Variants in TAS2R1 observed in about 807,000 individuals in gnomAD.
The protein encoded by TAS2R1 is taste 2 receptor member 1.
For synonymous variants in TAS2R1, 141 were observed against 134.2 expected (o/e 1.05, Z -0.35); for missense variants, 370 against 353.4 (o/e 1.05, Z -0.38).
the TAS2R1 span, among the ~76,000 whole-genome samples, chr5:9,891,651 C>A: frequency 4.6e-5 from 7 of 152,132 alleles, no homozygotes; most frequent in African/African-American, 1.7e-4. Context: ...GTAAATTGAG[C>A]AAAAGCCCCC....
chr5:9,868,076 TG>T, the TAS2R1 span, among the ~76,000 whole-genome samples: 1 of 152,230 alleles, frequency 6.6e-6, no homozygotes, highest in Non-Finnish European at 1.5e-5. Flanking sequence ...CCCTACTGGC[TG>T]CTTTCACAGG....
the TAS2R1 span, among the ~76,000 whole-genome samples, chr5:9,719,488 G>A: frequency 6.6e-6 from 1 of 152,078 alleles, no homozygotes; most frequent in Non-Finnish European, 1.5e-5. Context: ...ACCAAGCCTG[G>A]GTCTCCACTC....
In TAS2R1 at chr5:9,628,548, G is replaced by C. The variant is rs143274151; in HGVS notation, c.*585C>G. Among the ~76,000 whole-genome samples, 1 of 152,204 alleles carries C rather than the reference G, an allele frequency of 6.6e-6. No homozygotes were observed. Among genetic ancestry groups the C allele is most frequent in the South Asian group, 2.1e-4 (1 of 4,814 alleles). On this transcript the variant is annotated 3_prime_UTR_variant, in exon 1 of 1. Transcript: ENST00000382492. Reference sequence around the variant, plus strand: ...GAATATGCTTATAAGGATGGAGAAGGCCTGCTTGTCCTTGCTTCCTTTGTG... The same window carrying C: ...GAATATGCTTATAAGGATGGAGAAGCCCTGCTTGTCCTTGCTTCCTTTGTG...
At chr5:9,830,445 GA>G in the TAS2R1 span, among the ~76,000 whole-genome samples, 1 of 152,086 alleles carries the variant, frequency 6.6e-6, no homozygotes, top group East Asian at 1.9e-4. Flanking sequence ...ATAGATGATA[GA>G]TGACAGACAC....
the TAS2R1 span, among the ~76,000 whole-genome samples, chr5:9,885,830 CAT>C: frequency 1.4e-4 from 22 of 151,914 alleles, no homozygotes; most frequent in African/African-American, 5.1e-4. Context: ...AAATATAAAA[CAT>C]ATATAAAAAA....
chr5:9,806,164 A>T, the TAS2R1 span, among the ~76,000 whole-genome samples: 1 of 152,094 alleles, frequency 6.6e-6, no homozygotes, highest in Non-Finnish European at 1.5e-5. Flanking sequence ...CAAAAAAAAT[A>T]AAATAAAATA....
At chr5:9,847,238 A>G in the TAS2R1 span, among the ~76,000 whole-genome samples, 1 of 152,228 alleles carries the variant, frequency 6.6e-6, no homozygotes, top group South Asian at 2.1e-4. Flanking sequence ...TTTTGACCAT[A>G]AGAAAATGTT....
chr5:9,712,528 G>A (rs890651700), upstream of TAS2R1: 2 of 152,182 alleles, frequency 1.3e-5, no homozygotes, highest in Non-Finnish European at 2.9e-5. Flanking sequence ...TTCTATAGAC[G>A]AAGGAATTCA....
chr5:9,823,360 G>A, the TAS2R1 span, among the ~76,000 whole-genome samples: 1 of 151,764 alleles, frequency 6.6e-6, no homozygotes, highest in Non-Finnish European at 1.5e-5. Context: ...CAGATATGCT[G>A]AATATCTACT....
At chr5:9,750,896 G>A in the TAS2R1 span, among the ~76,000 whole-genome samples, 1 of 151,948 alleles carries the variant, frequency 6.6e-6, no homozygotes, top group Non-Finnish European at 1.5e-5. Flanking sequence ...CCATAGAGTA[G>A]CTCTCAGGGA....
chr5:9,844,790 T>A, the TAS2R1 span, among the ~76,000 whole-genome samples: 1 of 152,150 alleles, frequency 6.6e-6, no homozygotes, highest in Non-Finnish European at 1.5e-5. Context: ...TCAAAGAGCT[T>A]TCTAAATCAT....
chr5:9,693,235 G>A (rs1040540577), intron 1 of TAS2R1, among the ~76,000 whole-genome samples: 6 of 151,658 alleles, frequency 4.0e-5, no homozygotes, highest in African/African-American at 7.3e-5. Flanking sequence ...TTGGCCAGGC[G>A]CGGTGTCTCA....
At chr5:9,757,824 T>C in the TAS2R1 span, among the ~76,000 whole-genome samples, 2 of 152,186 alleles carry the variant, frequency 1.3e-5, no homozygotes, top group Admixed American at 6.5e-5. Flanking sequence ...CACAAATTAC[T>C]TTTCTCATAA....
chr5:9,899,953 T>C, the TAS2R1 span, among the ~76,000 whole-genome samples: 2 of 152,166 alleles, frequency 1.3e-5, no homozygotes, highest in Non-Finnish European at 2.9e-5. Flanking sequence ...CTATTACAAA[T>C]AAAGCTGAAT....
intron 2 of TAS2R1, chr5:9,641,635 T>G (rs1277763180): frequency 2.6e-5 from 4 of 152,244 alleles, no homozygotes; most frequent in Admixed American, 1.3e-4. Flanking sequence ...CCCAAGGACA[T>G]GTTCTCCAGC....
At chr5:9,714,331 G>GCTGAA (rs1734763094), upstream of TAS2R1, 1 of 152,210 alleles carries the variant, frequency 6.6e-6, no homozygotes, top group African/African-American at 2.4e-5. Flanking sequence ...CAATGTCCCA[G>GCTGAA]CTGAACTTTG....
At chr5:9,661,835 A>G (rs1335323307) in intron 1 of TAS2R1, among the ~76,000 whole-genome samples, 1 of 152,204 alleles carries the variant, frequency 6.6e-6, no homozygotes, top group East Asian at 1.9e-4. Context: ...CAATCAGGAT[A>G]AGCTAGTTTA....
the TAS2R1 span, among the ~76,000 whole-genome samples, chr5:9,778,877 G>A: frequency 1.3e-5 from 2 of 152,176 alleles, no homozygotes; most frequent in African/African-American, 4.8e-5. Flanking sequence ...CTTATCATTC[G>A]TGTGTTCACG....
chr5:9,719,999 C>T, the TAS2R1 span, among the ~76,000 whole-genome samples: 2 of 151,304 alleles, frequency 1.3e-5, no homozygotes, highest in Admixed American at 6.6e-5. Flanking sequence ...ATGACCACTC[C>T]TCTTTGGCTT....
Sources: allele counts gnomAD v4.1 joint callset (sites outside exome capture counted in the v4.1 genomes callset), GRCh38; gene constraint gnomAD v4.1.1; transcripts MANE v1.5; gene names NCBI Gene and HGNC (gene_info 2026-07-23, HGNC 2026-07-21).